GRID2: variants seen among roughly 807,000 people sequenced by gnomAD.
The protein encoded by GRID2 is glutamate receptor ionotropic, delta-2.
In GRID2, 33 loss-of-function variants were observed where a neutral mutation model predicts 114.8. The ratio of observed to expected loss-of-function variants is 0.29; its 90% CI spans 0.22 to 0.38. The LOEUF (loss-of-function observed/expected upper bound fraction) is 0.38, where lower values mean the gene tolerates loss of function less well. Ranked by LOEUF, GRID2 falls within the 10% of genes least tolerant of loss-of-function variation. The probability of loss-of-function intolerance (pLI) is 1.00; values close to 1 mark genes in which losing one functional copy is unlikely to be tolerated. For missense variants in GRID2, 1,184 were observed against 1,257.7 expected, an observed-to-expected ratio of 0.94 and a Z score of 0.89; for synonymous variants, 505 against 449.9, an observed-to-expected ratio of 1.12 and a Z score of -1.55.
At chr4:93,483,274 A>T (rs901199047) in intron 11 of GRID2, among the ~76,000 whole-genome samples, 1 of 151,934 alleles carries the variant, frequency 6.6e-6, no homozygotes, top group African/African-American at 2.4e-5. Context: ...AAAATTTTCT[A>T]TTTACTATGA....
chr4:93,168,624 C>T (rs116621717), intron 4 of GRID2, among the ~76,000 whole-genome samples: 2,117 of 152,186 alleles, frequency 0.014, 23 homozygotes, highest in Non-Finnish European at 0.021. Flanking sequence ...TTGGAGTTGA[C>T]TCTGTTTTGG....
chr4:93,123,079 C>A (rs922618138), intron 4 of GRID2, among the ~76,000 whole-genome samples: 1 of 151,898 alleles, frequency 6.6e-6, no homozygotes, highest in Admixed American at 6.6e-5. Context: ...AAGCAAAGAA[C>A]GGGTTTCCAA....
At chr4:92,547,782 A>G (rs1480994357) in intron 1 of GRID2, among the ~76,000 whole-genome samples, 2 of 152,140 alleles carry the variant, frequency 1.3e-5, no homozygotes, top group East Asian at 3.9e-4. Flanking sequence ...GAGGATTTAA[A>G]TGAGGATTTA....
chr4:93,307,971 G>A (rs546650183), intron 8 of GRID2, among the ~76,000 whole-genome samples: 12 of 151,024 alleles, frequency 7.9e-5, no homozygotes, highest in Non-Finnish European at 1.6e-4. Flanking sequence ...ATTACCAGAG[G>A]CCTGTTCATA....
intron 2 of GRID2, among the ~76,000 whole-genome samples, chr4:92,861,866 A>G (rs1466271458): frequency 6.6e-6 from 1 of 151,984 alleles, no homozygotes; most frequent in African/African-American, 2.4e-5. Flanking sequence ...TGGCTACTCC[A>G]TGGATCATCA....
chr4:92,909,777 T>A (rs17020001), intron 2 of GRID2, among the ~76,000 whole-genome samples: 2,247 of 152,254 alleles, frequency 0.015, 21 homozygotes, highest in East Asian at 0.053. Context: ...TTTTAAAGCA[T>A]TTTTTATGTT....
intron 1 of GRID2, among the ~76,000 whole-genome samples, chr4:92,314,410 G>A (rs1560562728): frequency 6.6e-6 from 1 of 152,036 alleles, no homozygotes; most frequent in East Asian, 1.9e-4. Context: ...TAAATCCATT[G>A]TAAATTTCCT....
chr4:93,443,617 A>G (rs1472808752), intron 10 of GRID2, among the ~76,000 whole-genome samples: 3 of 151,934 alleles, frequency 2.0e-5, no homozygotes, highest in Non-Finnish European at 4.4e-5. Flanking sequence ...GCGAAAGGAA[A>G]GTGGTGATAC....
chr4:93,163,038 A>G (rs989884384), intron 4 of GRID2, among the ~76,000 whole-genome samples: 1 of 151,930 alleles, frequency 6.6e-6, no homozygotes, highest in Admixed American at 6.6e-5. Context: ...TAAAACACAC[A>G]TCTTGGAAGT....
chr4:93,306,374 A>G (rs1579614457), intron 8 of GRID2: 1 of 152,202 alleles, frequency 6.6e-6, no homozygotes, highest in Non-Finnish European at 1.5e-5. Context: ...CCCCTACACT[A>G]TGTTGGAAAT....
intron 1 of GRID2, among the ~76,000 whole-genome samples, chr4:92,476,588 G>A (rs918388771): frequency 6.6e-6 from 1 of 151,928 alleles, no homozygotes; most frequent in Non-Finnish European, 1.5e-5. Context: ...ATTTTACCTA[G>A]TTAAAATGAT....
intron 13 of GRID2, among the ~76,000 whole-genome samples, chr4:93,623,074 C>A (rs1742358630): frequency 6.6e-6 from 1 of 151,948 alleles, no homozygotes; most frequent in Admixed American, 6.6e-5. Context: ...TCATATTTGC[C>A]ACACTGATTT....
intron 2 of GRID2, among the ~76,000 whole-genome samples, chr4:92,944,225 T>C (rs1010534145): frequency 2.0e-5 from 3 of 152,272 alleles, no homozygotes; most frequent in Non-Finnish European, 4.4e-5. Flanking sequence ...TGTGGTGGGC[T>C]CCACCCAATT....
At chr4:93,274,616 G>A (rs959218496) in intron 8 of GRID2, among the ~76,000 whole-genome samples, 2 of 151,954 alleles carry the variant, frequency 1.3e-5, no homozygotes, top group African/African-American at 4.8e-5. Context: ...ACATTTGCCC[G>A]AGTGACAGAG....
In GRID2 at chr4:93,163,022, T is replaced by G. The variant is rs56840927; in HGVS notation, c.736-44382T>G. ...ATCTGCTTCTTTCTGTTTTATACAT[T>G]TACTTTAAAACACACATCTTGGAAG... On this transcript the variant is annotated intron_variant, in intron 4 of 15. Coordinates refer to ENST00000282020, the MANE Select transcript of GRID2 (RefSeq NM_001510.4). Among the ~76,000 whole-genome samples, 160 of 152,104 alleles carry G rather than the reference T, an allele frequency of 1.1e-3. 1 individual carries two copies. The highest frequency in any genetic ancestry group is 3.7e-3 in the African/African-American group (153 of 41,546).
chr4:93,450,769 T>G (rs1421202530), intron 10 of GRID2, among the ~76,000 whole-genome samples: 1 of 151,860 alleles, frequency 6.6e-6, no homozygotes, highest in Non-Finnish European at 1.5e-5. Context: ...TAATCAAAAT[T>G]TAAATAATCA....
At chr4:92,600,489 C>T (rs926349556) in intron 2 of GRID2, among the ~76,000 whole-genome samples, 3 of 152,248 alleles carry the variant, frequency 2.0e-5, no homozygotes, top group Non-Finnish European at 4.4e-5. Context: ...TTGTGTTGCA[C>T]AGTTCAAAGT....
Position 92,628,054 on chromosome 4 carries a change from T to C in GRID2, c.244+37768T>C, listed in dbSNP as rs1730608886. Among the ~76,000 whole-genome samples, 4 of 152,128 alleles carry C rather than the reference T, an allele frequency of 2.6e-5. No homozygotes were observed. In the South Asian group the frequency reaches 8.3e-4, roughly 31 times the overall value. On this transcript the variant is annotated intron_variant, in intron 2 of 15. Transcript: ENST00000282020. ...AGAGCATAGCTAATAGTAAAATAAT[T>C]AGGAAGATGAGAATTTTTATTTTAT...
At chr4:93,675,077 C>G (rs1207357323) in intron 14 of GRID2, among the ~76,000 whole-genome samples, 3 of 152,068 alleles carry the variant, frequency 2.0e-5, no homozygotes, top group African/African-American at 7.2e-5. Context: ...TAAAGTATAA[C>G]TAACAAAGTC....
Sources: gnomAD v4.1 joint callset for allele counts (sites outside exome capture counted in the v4.1 genomes callset) on GRCh38, gnomAD v4.1.1 for gene constraint, MANE v1.5 for transcripts, NCBI Gene and HGNC (gene_info 2026-07-23, HGNC 2026-07-21) for gene names.